Variants in NEB observed in about 807,000 individuals in gnomAD.
The protein encoded by NEB is nebulin, also known as nemaline myopathy type 2.
A neutral mutation model predicts 952.2 loss-of-function variants in NEB; 512 were observed. The ratio of observed to expected loss-of-function variants is 0.54; its 90% CI spans 0.50 to 0.58. The LOEUF (loss-of-function observed/expected upper bound fraction) is 0.58, where lower values mean the gene tolerates loss of function less well. Among genes scored for constraint, NEB ranks in the 20% least tolerant of loss-of-function variants. NEB has a pLI of 0.00. For missense variants in NEB, 8,428 were observed against 9,231.1 expected (o/e 0.91, Z 3.56); for synonymous variants, 2,900 against 3,149.8 (o/e 0.92, Z 2.66).
chr2:151,491,953 A>G lies in NEB; in HGVS notation c.25057+145T>C. 9 of 1,037,972 alleles carry G rather than the reference A, an allele frequency of 8.7e-6. No individual in the cohort carries two copies. In the South Asian group the frequency reaches 1.3e-4, roughly 15 times the overall value. 64.3% of individuals were successfully genotyped at this position (1,037,972 alleles called of 1,614,324 possible). A position where few individuals can be genotyped will look rare whatever the true frequency, so the allele number is the denominator to read the frequency against. The stretch of plus-strand genomic sequence containing the variant: ...GATAAGGTAGAAATCAGCTTTGTAA[A>G]CTATGAGATAATAGGAGCTTTCTTG... On this transcript the variant is annotated intron_variant, in intron 178 of 181. Coordinates refer to ENST00000397345, the MANE Select transcript of NEB (RefSeq NM_001164508.2).
At chr2:151,632,906 T>G (rs2098698193) in intron 65 of NEB, among the ~76,000 whole-genome samples, 1 of 152,192 alleles carries the variant, frequency 6.6e-6, no homozygotes, top group South Asian at 2.1e-4. Context: ...AAAGCCTTTC[T>G]TTTTGGAAAG....
chr2:151,725,605 A>C, intron 5 of NEB, 45 bp from the exon 6 acceptor site: 1 of 1,499,678 alleles, frequency 6.7e-7, no homozygotes, highest in Non-Finnish European at 9.3e-7. Context: ...AGCAGTGAAA[A>C]TTTCAGGCAA....
At chr2:151,692,013 TCAAA>T in intron 22 of NEB, 42 bp downstream of exon 22, 10 of 1,604,834 alleles carry the variant, frequency 6.2e-6, no homozygotes, top group Non-Finnish European at 8.5e-6. Flanking sequence ...GTTATGGCTC[TCAAA>T]CAATGTCACT....
chr2:151,576,457 A>G (rs544396827), intron 105 of NEB, 103 bp from the exon 106 acceptor site: 148 of 278,302 alleles, frequency 5.3e-4, no homozygotes, highest in Middle Eastern at 1.4e-3. Context: ...TATTATATAT[A>G]CAACATAAAA....
intron 24 of NEB, chr2:151,689,197 C>CTTTTTTTT (rs11305294): frequency 6.9e-5 from 4 of 57,892 alleles, no homozygotes; most frequent in Non-Finnish European, 9.5e-5. Context: ...GATATATACT[C>CTTTTTTTT]TTTTTTTTTT....
rs749444070 is a variant in NEB, at chr2:151,492,523, G to A, written c.24766-29C>T. ...ATGCAGGAGAGACCGTGAATGAGTG[G>A]TGCTGTCCTAAATCTGAAACCTCAA... On this transcript the variant is annotated intron_variant, in intron 176 of 181. Transcript: ENST00000397345. 4.7e-6 allele frequency: 7 copies of A among 1,502,016 alleles called. No individual in the cohort carries two copies. The African/African-American group carries it at 8.3e-5, about 18-fold the overall frequency. The allele number at this position is 1,502,016 out of a possible 1,614,324, so 93.0% of individuals were successfully genotyped here. A position where few individuals can be genotyped will look rare whatever the true frequency, so the allele number is the denominator to read the frequency against.
rs3732309 is a variant in NEB at position 151,516,460 on chromosome 2, C to T, written c.22904G>A (p.Gly7635Glu). 2,598 of 1,605,246 alleles carry T rather than the reference C, an allele frequency of 1.6e-3. 37 individuals carry two copies. The East Asian group carries it at 0.032, about 20-fold the overall frequency. Residue 7635 changes from glycine (G) to glutamate (E), a missense_variant and splice_region_variant, in exon 157 of 182, where the codon GGG becomes GAG. Physicochemically the swap from Gly to Glu is moderately conservative, Grantham distance 98. Transcript: ENST00000397345. ...TGTGGTGTGGTTTTTTTGACTTACC[C>T]CACTCTGCATCTGCTGAGACTCTTT... ...TAKESQQMQSGKEYRKDYEES... is the reference protein window; with the variant it reads ...TAKESQQMQSEKEYRKDYEES...
In NEB at chr2:151,659,049, G is replaced by A. The variant is rs1236874949; in HGVS notation, c.6075+16C>T. On this transcript the variant is annotated intron_variant, in intron 47 of 181. Coordinates refer to ENST00000397345, the MANE Select transcript of NEB (RefSeq NM_001164508.2). ...CTGCTGGAGAGAAAGATGACAACAG[G>A]GGGAACTATACTTACATCACTCATA... 6.7e-7 allele frequency: 1 copy of A among 1,501,958 alleles called. No individual in the cohort carries two copies. The highest frequency in any genetic ancestry group is 1.1e-5 in the South Asian group (1 of 88,704). 93.0% of individuals were successfully genotyped at this position (1,501,958 alleles called of 1,614,324 possible). A position where few individuals can be genotyped will look rare whatever the true frequency, so the allele number is the denominator to read the frequency against.
chr2:151,695,368 T>C (rs2099588604), intron 18 of NEB, among the ~76,000 whole-genome samples: 1 of 152,236 alleles, frequency 6.6e-6, no homozygotes, highest in Admixed American at 6.5e-5. Flanking sequence ...ATTACGATTA[T>C]CTAATTGTAT....
intron 179 of NEB, 121 bp downstream of exon 179, chr2:151,491,562 T>C: frequency 1.2e-6 from 1 of 824,596 alleles, no homozygotes. Context: ...TTATGCCAAA[T>C]GGGCAGCTCA....
chr2:151,510,456 C>T (rs1421303416), intron 161 of NEB, among the ~76,000 whole-genome samples: 1 of 152,194 alleles, frequency 6.6e-6, no homozygotes, highest in Non-Finnish European at 1.5e-5. Context: ...GAGACCTGGC[C>T]TGCCATACTG....
At position 151,535,782 on chromosome 2, in the gene NEB, T is replaced by C. The variant is rs1190090108; in HGVS notation, c.21221A>G (p.Glu7074Gly). ...KTLYSKYKYK[E>G]VFERTKSDFK... is the part of the protein sequence containing the mutation. ...ATCTGACTTTGTCCTTTCAAATACT[T>C]CTTTATACTTATACTAGAAAAAACA... Residue 7074 changes from glutamate (E) to glycine (G), a missense_variant, in exon 142 of 182, where the codon GAA becomes GGA. This residue lies in a region of NEB where 3,374 missense variants were observed against 3,651.5 expected (regional missense o/e 0.92). Transcript: ENST00000397345. 5.0e-6 allele frequency: 8 copies of C among 1,587,430 alleles called. No homozygotes were observed. In the East Asian group the frequency reaches 1.8e-4, roughly 36 times the overall value.
At chr2:151,620,343 G>GTATATATATATATATATATATA (rs1331796136) in intron 72 of NEB, among the ~76,000 whole-genome samples, 2 of 48,898 alleles carry the variant, frequency 4.1e-5, no homozygotes, top group African/African-American at 1.2e-4. Context: ...ATATGTATGT[G>GTATATATATATATATATATATA]TGTGTATATA....
chr2:151,569,176 G>T, intron 110 of NEB, 92 bp downstream of exon 110: 1 of 1,024,678 alleles, frequency 9.8e-7, no homozygotes, highest in Non-Finnish European at 1.5e-6. Context: ...AAATGGTTAA[G>T]ATTGCTGATA....
At position 151,710,473 on chromosome 2, in the gene NEB, T is replaced by C. The variant is rs768562371; in HGVS notation, c.888A>G (p.Glu296=). 1 of 1,612,852 alleles carries C rather than the reference T, an allele frequency of 6.2e-7. No individual in the cohort carries two copies. Among genetic ancestry groups the C allele is most frequent in the Non-Finnish European group, 8.5e-7 (1 of 1,179,102 alleles). Residue 296 remains glutamate, a synonymous_variant, in exon 11 of 182, where the codon GAA becomes GAG. Transcript: ENST00000397345. ...KGKWSETPCF[E]VANARMNADN... is the part of the protein sequence containing the mutation. ...CAGCATTCATTCTGGCATTTGCAAC[T>C]TCAAAGCAAGGTGTCTCACTCCATT...
chr2:151,529,086 C>T (rs564923917), intron 146 of NEB, 124 bp downstream of exon 146: 10 of 711,574 alleles, frequency 1.4e-5, no homozygotes, highest in East Asian at 2.6e-5. Flanking sequence ...GCTCCTGGGG[C>T]CTGACTCTTG....
intron 181 of NEB, among the ~76,000 whole-genome samples, chr2:151,488,541 G>T (rs540906577): frequency 6.9e-4 from 105 of 151,840 alleles, no homozygotes; most frequent in Admixed American, 1.4e-3. Context: ...AGCTATTCTG[G>T]TGGCTGAGGC....
intron 12 of NEB, among the ~76,000 whole-genome samples, chr2:151,707,672 C>T (rs2099716082): frequency 6.6e-6 from 1 of 152,128 alleles, no homozygotes; most frequent in South Asian, 2.1e-4. Flanking sequence ...GGAGCCTGTC[C>T]ACAGGGATTA....
chr2:151,675,764 G>A (rs1470170574), intron 34 of NEB, among the ~76,000 whole-genome samples: 9 of 142,344 alleles, frequency 6.3e-5, no homozygotes, highest in Non-Finnish European at 1.2e-4. Flanking sequence ...TCCCTAGAGA[G>A]AAAGTAGTAG....
Sources: allele counts gnomAD v4.1 joint callset (sites outside exome capture counted in the v4.1 genomes callset), GRCh38; gene constraint gnomAD v4.1.1; regional missense constraint gnomAD v4.1.1; transcripts MANE v1.5; gene names NCBI Gene and HGNC (gene_info 2026-07-23, HGNC 2026-07-21).